Variants in TNR observed in about 807,000 individuals in gnomAD.
TNR encodes the protein tenascin-R.
In TNR, 45 loss-of-function variants were observed where a neutral mutation model predicts 150.4. The ratio of observed to expected loss-of-function variants is 0.30; its 90% CI spans 0.24 to 0.38. TNR has a LOEUF of 0.38. Ranked by LOEUF, TNR falls within the 10% of genes least tolerant of loss-of-function variation. The pLI, the probability that TNR is intolerant of heterozygous loss-of-function variation, is 1.00. For missense variants in TNR, 1,544 were observed against 1,759.1 expected, an observed-to-expected ratio of 0.88 and a Z score of 2.19; for synonymous variants, 687 against 678.4, an observed-to-expected ratio of 1.01 and a Z score of -0.20.
intron 1 of TNR, chr1:175,556,833 C>G (rs1023838056): frequency 6.6e-6 from 1 of 152,492 alleles, no homozygotes; most frequent in Non-Finnish European, 1.5e-5. Flanking sequence ...GGTACTCATC[C>G]CCTTATGTAG....
intron 1 of TNR, among the ~76,000 whole-genome samples, chr1:175,532,672 T>G (rs541213202): frequency 6.6e-6 from 1 of 152,316 alleles, no homozygotes; most frequent in African/African-American, 2.4e-5. Flanking sequence ...TCTGAGTGGT[T>G]CTGGCTCAGG....
At chr1:175,457,812 T>C (rs902349871) in intron 2 of TNR, among the ~76,000 whole-genome samples, 1 of 152,252 alleles carries the variant, frequency 6.6e-6, no homozygotes, top group Non-Finnish European at 1.5e-5. Context: ...AAAGAGGTTT[T>C]CCTCATTGAA....
chr1:175,420,913 TAC>T (rs1456989554), intron 2 of TNR, among the ~76,000 whole-genome samples: 1 of 152,182 alleles, frequency 6.6e-6, no homozygotes, highest in Non-Finnish European at 1.5e-5. Flanking sequence ...ATTGGAAAAA[TAC>T]AGTGACATTT....
intron 1 of TNR, among the ~76,000 whole-genome samples, chr1:175,711,584 A>G (rs1267388061): frequency 2.6e-5 from 4 of 152,212 alleles, no homozygotes; most frequent in Non-Finnish European, 5.9e-5. Context: ...AGAATAAGCC[A>G]CAAAGGGTGA....
At chr1:175,584,463 C>T (rs778289859) in intron 1 of TNR, among the ~76,000 whole-genome samples, 9 of 152,168 alleles carry the variant, frequency 5.9e-5, no homozygotes, top group Non-Finnish European at 8.8e-5. Flanking sequence ...GCTTGCAGAA[C>T]CGTGAGACAG....
At chr1:175,724,864 G>T (rs149913725) in intron 1 of TNR, among the ~76,000 whole-genome samples, 1 of 152,046 alleles carries the variant, frequency 6.6e-6, no homozygotes, top group Non-Finnish European at 1.5e-5. Context: ...AAGATGTGGC[G>T]AAATGGCCTG....
intron 5 of TNR, among the ~76,000 whole-genome samples, chr1:175,394,444 T>G (rs1653328810): frequency 6.6e-6 from 1 of 152,216 alleles, no homozygotes. Context: ...TGAGAGTATT[T>G]TGTTTAGCTC....
At chr1:175,461,213 A>C (rs1571473278) in intron 2 of TNR, among the ~76,000 whole-genome samples, 2 of 152,234 alleles carry the variant, frequency 1.3e-5, no homozygotes. Flanking sequence ...GTCATGATCC[A>C]GTGGCCTTTT....
intron 18 of TNR, among the ~76,000 whole-genome samples, chr1:175,346,670 A>G (rs1202769046): frequency 6.6e-6 from 1 of 152,178 alleles, no homozygotes; most frequent in Non-Finnish European, 1.5e-5. Context: ...TGGAAATCAG[A>G]TGAAATGAAT....
chr1:175,660,812 G>C (rs1198907428), intron 1 of TNR, among the ~76,000 whole-genome samples: 1 of 152,190 alleles, frequency 6.6e-6, no homozygotes, highest in Admixed American at 6.5e-5. Flanking sequence ...AGTCCCAGAA[G>C]TGGAGGGAAG....
In TNR at chr1:175,319,701, C is replaced by T. The variant is rs1420432586; in HGVS notation, c.*3656G>A. The stretch of plus-strand genomic sequence containing the variant: ...TGTTGTTCTTTTACAAATCAATCTC[C>T]CATACAAATCAGCTGGCCGGTTTTC... On this transcript the variant is annotated 3_prime_UTR_variant, in exon 23 of 23. Coordinates refer to ENST00000367674, the MANE Select transcript of TNR (RefSeq NM_003285.3). 1 of 152,230 alleles carries T rather than the reference C, an allele frequency of 6.6e-6. No individual in the cohort carries two copies. The highest frequency in any genetic ancestry group is 1.5e-5 in the Non-Finnish European group (1 of 68,036). 9.4% of individuals were successfully genotyped at this position (152,230 alleles called of 1,614,324 possible). A position where few individuals can be genotyped will look rare whatever the true frequency, so the allele number is the denominator to read the frequency against.
chr1:175,328,717 C>T (rs1649549231), intron 21 of TNR, among the ~76,000 whole-genome samples: 1 of 152,180 alleles, frequency 6.6e-6, no homozygotes, highest in Admixed American at 6.5e-5. Flanking sequence ...ACTGTTCTGG[C>T]CTCCATAGGC....
chr1:175,347,384 T>C (rs940705366), intron 18 of TNR, among the ~76,000 whole-genome samples: 1 of 152,164 alleles, frequency 6.6e-6, no homozygotes, highest in Admixed American at 6.5e-5. Context: ...ATTTTCTTTA[T>C]TTTAGAAAAA....
chr1:175,451,673 C>T (rs1557942541), intron 2 of TNR, among the ~76,000 whole-genome samples: 1 of 152,228 alleles, frequency 6.6e-6, no homozygotes, highest in Non-Finnish European at 1.5e-5. Context: ...GGCATTCCCT[C>T]AGCCCTTTAT....
intron 1 of TNR, among the ~76,000 whole-genome samples, chr1:175,562,726 G>A (rs1571611455): frequency 2.6e-5 from 4 of 152,326 alleles, no homozygotes; most frequent in Admixed American, 2.6e-4. Context: ...TCCCTCCTGA[G>A]GCAGACTGTC....
intron 2 of TNR, among the ~76,000 whole-genome samples, chr1:175,429,252 G>GCA (rs1655150474): frequency 6.6e-6 from 1 of 152,122 alleles, no homozygotes; most frequent in Non-Finnish European, 1.5e-5. Context: ...AACATGATTT[G>GCA]TGAATCATTA....
At chr1:175,380,627 T>C (rs1282800236) in intron 8 of TNR, among the ~76,000 whole-genome samples, 1 of 151,790 alleles carries the variant, frequency 6.6e-6, no homozygotes, top group Non-Finnish European at 1.5e-5. Context: ...CTGTTGCCTC[T>C]GAAGCTTTTC....
At chr1:175,348,630 A>T (rs10912965) in intron 18 of TNR, among the ~76,000 whole-genome samples, 73,905 of 151,984 alleles carry the variant, frequency 0.49, 19,902 homozygotes, top group East Asian at 0.77. Flanking sequence ...ATCCATGTAC[A>T]TATGGGAACT....
Position 175,386,077 on chromosome 1 carries a change from G to T in TNR, c.1732C>A (p.Arg578=), listed in dbSNP as rs869312899. The T allele has an allele frequency of 1.1e-5, 17 of 1,609,624 alleles. No homozygotes were observed. The highest frequency in any genetic ancestry group is 1.4e-5 in the Non-Finnish European group (16 of 1,176,910). ...GCAGAATCGCTCTCGTTGGTCCCTCGGACGGCACTGACTGACACCTCGTAT... is the reference window on the plus strand; with the variant it reads ...GCAGAATCGCTCTCGTTGGTCCCTCTGACGGCACTGACTGACACCTCGTAT... ...SRYEVSVSAV[R]GTNESDSATT... is the part of the protein sequence containing the mutation. Residue 578 remains arginine, a synonymous_variant, in exon 8 of 23, where the codon CGA becomes AGA. Coordinates refer to ENST00000367674, the MANE Select transcript of TNR (RefSeq NM_003285.3).
Sources: allele counts gnomAD v4.1 joint callset (sites outside exome capture counted in the v4.1 genomes callset), GRCh38; gene constraint gnomAD v4.1.1; transcripts MANE v1.5; gene names NCBI Gene and HGNC (gene_info 2026-07-23, HGNC 2026-07-21).